The following ZNF701 variants were observed in gnomAD, a reference collection of about 807,000 sequenced individuals.
ZNF701 encodes zinc finger protein 701.
In ZNF701, 6 loss-of-function variants were observed where a neutral mutation model predicts 7.1. That is an observed-to-expected ratio of 0.84 (90% confidence interval 0.46 to 1.66). The LOEUF is 1.66. Ranked by LOEUF, ZNF701 falls within the 40% of genes most tolerant of loss-of-function variation. The probability of loss-of-function intolerance (pLI) is 0.01; values close to 1 mark genes in which losing one functional copy is unlikely to be tolerated. For synonymous variants in ZNF701, 166 were observed against 188.2 expected (o/e 0.88, Z 0.97); for missense variants, 541 against 559.2 (o/e 0.97, Z 0.33).
chr19:52,579,052 A>G (rs994799531), intron 3 of ZNF701, among the ~76,000 whole-genome samples: 4 of 126,880 alleles, frequency 3.2e-5, no homozygotes, highest in Non-Finnish European at 1.5e-5. Context: ...CGCCGTGCCC[A>G]TTTCTTTCAG....
the ZNF701 span, chr19:52,597,217 A>T: frequency 1.3e-5 from 7 of 554,808 alleles, no homozygotes; most frequent in Non-Finnish European, 2.5e-5. Flanking sequence ...GCTTCATCCT[A>T]TGCAAAACAT....
intron 3 of ZNF701, 35 bp downstream of exon 3, chr19:52,576,056 C>A (rs771431052): frequency 4.4e-6 from 7 of 1,599,016 alleles, no homozygotes; most frequent in Non-Finnish European, 5.1e-6. Context: ...TGGGGATGTG[C>A]CCTTGTGGAT....
In ZNF701 at chr19:52,574,988, G is replaced by A. The variant is rs576233220; in HGVS notation, c.15+826G>A. The stretch of plus-strand genomic sequence containing the variant: ...TTTGTGTTTGTTTGTTTGTTTTTTC[G>A]AGACGGAGTCTCGCTCTGTTGCCCA... On this transcript the variant is annotated intron_variant, in intron 2 of 3. Coordinates refer to ENST00000391785, the MANE Select transcript of ZNF701 (RefSeq NM_018260.3). 4.0e-5 allele frequency among the ~76,000 whole-genome samples: 6 copies of A among 151,488 alleles called. No homozygotes were observed. The South Asian group carries it at 1.3e-3, about 32-fold the overall frequency.
chr19:52,573,436 C>A (rs766284712), intron 1 of ZNF701, among the ~76,000 whole-genome samples: 1 of 152,080 alleles, frequency 6.6e-6, no homozygotes, highest in Non-Finnish European at 1.5e-5. Flanking sequence ...GGGGTTTCAC[C>A]ATGTTGGCCA....
rs749781415 is a variant in ZNF701 at position 52,584,022 on chromosome 19, A to T, written c.*565A>T. ...TCTTTTGCAAAACGGGAGAATTCAT[A>T]CAGGAGAGAAACCTCACAAGTGTGA... On this transcript the variant is annotated 3_prime_UTR_variant, in exon 4 of 4. Coordinates refer to ENST00000391785, the MANE Select transcript of ZNF701 (RefSeq NM_018260.3). 1.3e-5 allele frequency: 6 copies of T among 447,710 alleles called. No homozygotes were observed. Among genetic ancestry groups the T allele is most frequent in the South Asian group, 8.2e-5 (5 of 60,842 alleles). 27.7% of individuals were successfully genotyped at this position (447,710 alleles called of 1,614,324 possible). A position where few individuals can be genotyped will look rare whatever the true frequency, so the allele number is the denominator to read the frequency against.
intron 3 of ZNF701, among the ~76,000 whole-genome samples, chr19:52,579,225 A>G (rs1203384062): frequency 2.1e-5 from 3 of 142,666 alleles, no homozygotes; most frequent in Non-Finnish European, 4.4e-5. Context: ...TGTTGCAGGT[A>G]TGTTAAAGAT....
chr19:52,585,466 C>CT lies in ZNF701; in HGVS notation c.*2014dup, dbSNP rs774470181. 1 of 151,852 alleles carries CT rather than the reference C, an allele frequency of 6.6e-6. No homozygotes were observed. Among genetic ancestry groups the CT allele is most frequent in the Non-Finnish European group, 1.5e-5 (1 of 67,996 alleles). 9.4% of individuals were successfully genotyped at this position (151,852 alleles called of 1,614,324 possible). On this transcript the variant is annotated 3_prime_UTR_variant, in exon 4 of 4. Transcript: ENST00000391785. ...ACGTGCTTCTCCTGGAGGCAACCCTCTTTTTCCACCCTCGCCCTGTTGTTC... is the reference window on the plus strand; with the variant it reads ...ACGTGCTTCTCCTGGAGGCAACCCTCTTTTTTCCACCCTCGCCCTGTTGTTC...
At chr19:52,576,571 C>T (rs2059935833) in intron 3 of ZNF701, among the ~76,000 whole-genome samples, 1 of 151,974 alleles carries the variant, frequency 6.6e-6, no homozygotes, top group South Asian at 2.1e-4. Flanking sequence ...TTATGGCAGA[C>T]TTTAATCATA....
rs768177155 is a variant in ZNF701 at position 52,582,567 on chromosome 19, G to A, written c.508G>A (p.Asp170Asn). The change falls in exon 4 of 4, where the codon GAT (aspartate) becomes AAT (asparagine). Residue 170 changes from aspartate to asparagine, a missense_variant. Asp to Asn is a conservative substitution (Grantham distance 23). Transcript: ENST00000391785. Reference protein sequence around the residue: ...IGNQVEKAINDAFSVSASQRI... With the variant: ...IGNQVEKAINNAFSVSASQRI... ...TAATCAAGTTGAGAAGGCTATCAACGATGCTTTCTCAGTTTCAGCATCCCA... is the reference window on the plus strand; with the variant it reads ...TAATCAAGTTGAGAAGGCTATCAACAATGCTTTCTCAGTTTCAGCATCCCA... 5.0e-6 allele frequency: 8 copies of A among 1,614,170 alleles called. No homozygotes were observed. Among genetic ancestry groups the A allele is most frequent in the East Asian group, 4.5e-5 (2 of 44,884 alleles).
chr19:52,580,584 G>A (rs2059969385), intron 3 of ZNF701, among the ~76,000 whole-genome samples: 1 of 152,180 alleles, frequency 6.6e-6, no homozygotes, highest in Non-Finnish European at 1.5e-5. Flanking sequence ...ACATCAGAAA[G>A]TAGTGACCTT....
At chr19:52,588,484 C>CAAA (rs376707736), downstream of ZNF701, 13 of 156,930 alleles carry the variant, frequency 8.3e-5, no homozygotes, top group South Asian at 3.6e-4. Context: ...GACACCATCT[C>CAAA]AAAAAAAAAA....
At chr19:52,571,409 G>A (rs75514776) in intron 1 of ZNF701, among the ~76,000 whole-genome samples, 9,493 of 152,130 alleles carry the variant, frequency 0.062, 361 homozygotes, top group East Asian at 0.17. Context: ...CAGGGAGAGC[G>A]GCAGAGATGC....
At chr19:52,598,384 A>T in the ZNF701 span, among the ~76,000 whole-genome samples, 1 of 152,158 alleles carries the variant, frequency 6.6e-6, no homozygotes, top group Non-Finnish European at 1.5e-5. Context: ...AGAGTCACGC[A>T]TCCGGCAGGC....
rs754915892 is a variant in ZNF701 at position 52,582,826 on chromosome 19, G to C, written c.767G>C (p.Arg256Pro). The change falls in exon 4 of 4, where the codon CGA (arginine) becomes CCA (proline). Residue 256 changes from arginine to proline, a missense_variant. Physicochemically the swap from Arg to Pro is moderately radical, Grantham distance 103. Transcript: ENST00000391785. ...DVCGKDFHQKRYLACHRCHTG... is the reference protein window; with the variant it reads ...DVCGKDFHQKPYLACHRCHTG... ...TGCGGCAAGGACTTTCATCAGAAGC[G>C]ATACCTTGCATGCCATAGATGTCAC... is the stretch of plus-strand genomic sequence containing the variant. 4 of 1,614,014 alleles carry C rather than the reference G, an allele frequency of 2.5e-6. No homozygotes were observed. Among genetic ancestry groups the C allele is most frequent in the Admixed American group, 1.7e-5 (1 of 59,982 alleles).
intron 1 of ZNF701, among the ~76,000 whole-genome samples, chr19:52,571,395 T>G (rs1185072268): frequency 6.6e-6 from 1 of 151,640 alleles, no homozygotes; most frequent in Non-Finnish European, 1.5e-5. Flanking sequence ...AAGAGAGAAT[T>G]TAACAGGGAG....
Position 52,582,220 on chromosome 19 carries a change from T to C in ZNF701, c.161T>C (p.Met54Thr). The change falls in exon 4 of 4, where the codon ATG becomes ACG. Residue 54 changes from methionine to threonine, a missense_variant. By Grantham distance (81) the Met-to-Thr change is moderately conservative. Transcript: ENST00000391785. ...TTTGTAGATACCTCTTCCAAATGCA[T>C]GATGAAGATGTTCTCATCAACAGGA... Reference protein sequence around the residue: ...LVSLDTSSKCMMKMFSSTGQG... With the variant: ...LVSLDTSSKCTMKMFSSTGQG... 1.3e-6 allele frequency: 2 copies of C among 1,582,272 alleles called. No individual in the cohort carries two copies. The highest frequency in any genetic ancestry group is 1.7e-6 in the Non-Finnish European group (2 of 1,165,320).
At chr19:52,598,408 C>T in the ZNF701 span, among the ~76,000 whole-genome samples, 1 of 152,072 alleles carries the variant, frequency 6.6e-6, no homozygotes. Context: ...GCGAGCTCCC[C>T]TCTGTCTGGG....
downstream of ZNF701, among the ~76,000 whole-genome samples, chr19:52,591,745 G>A (rs2060037793): frequency 6.6e-6 from 1 of 152,106 alleles, no homozygotes; most frequent in Non-Finnish European, 1.5e-5. Context: ...TAGTAGAGAT[G>A]GGGTTTCACC....
At chr19:52,572,391 A>T in intron 1 of ZNF701, 1 of 1,288,108 alleles carries the variant, frequency 7.8e-7, no homozygotes, top group African/African-American at 1.5e-5. Flanking sequence ...GTCTTTGTAC[A>T]TCTGCATTTT....
Sources: allele counts gnomAD v4.1 joint callset (sites outside exome capture counted in the v4.1 genomes callset), GRCh38; gene constraint gnomAD v4.1.1; transcripts MANE v1.5; gene names NCBI Gene and HGNC (gene_info 2026-07-23, HGNC 2026-07-21).